The following NTAQ1 variants were observed in gnomAD, a reference collection of about 807,000 sequenced individuals.
NTAQ1 encodes N-terminal glutamine amidase 1.
A neutral mutation model predicts 28.2 loss-of-function variants in NTAQ1; 21 were observed. The observed-to-expected ratio is 0.74, with a 90% CI of 0.53 to 1.07. The LOEUF is 1.07. Among genes scored for constraint, NTAQ1 ranks in the 50% least tolerant of loss-of-function variants. The probability of loss-of-function intolerance (pLI) is 0.00; values close to 1 mark genes in which losing one functional copy is unlikely to be tolerated. For missense variants in NTAQ1, 264 were observed against 256.6 expected (o/e 1.03, Z -0.20); for synonymous variants, 105 against 90.0 (o/e 1.17, Z -0.94).
In NTAQ1 at chr8:123,441,503, G is replaced by T. The variant is rs762044098; in HGVS notation, c.*88G>T. On this transcript the variant is annotated 3_prime_UTR_variant, in exon 6 of 6. Transcript: ENST00000287387. ...CGAGGACAGCAAACATTATGGTACA[G>T]TTGGCTTGGAATTATGTCTTTCTCT... 9.8e-6 allele frequency: 10 copies of T among 1,024,978 alleles called. No homozygotes were observed. Among genetic ancestry groups the T allele is most frequent in the Non-Finnish European group, 1.3e-5 (9 of 674,810 alleles). 63.5% of individuals were successfully genotyped at this position (1,024,978 alleles called of 1,614,324 possible). A position where few individuals can be genotyped will look rare whatever the true frequency, so the allele number is the denominator to read the frequency against.
At chr8:123,464,035 C>T (rs951926562) in intron 6 of NTAQ1, among the ~76,000 whole-genome samples, 24 of 152,192 alleles carry the variant, frequency 1.6e-4, no homozygotes, top group African/African-American at 5.3e-4. Flanking sequence ...CATGTTAAGA[C>T]GTGACTTTGC....
chr8:123,427,988 TG>T lies in NTAQ1; in HGVS notation c.149del (p.Cys50PhefsTer12). The T allele has an allele frequency of 3.1e-6, 5 of 1,611,316 alleles. No homozygotes were observed. The highest frequency in any genetic ancestry group is 4.2e-6 in the Non-Finnish European group (5 of 1,179,228). ...CCATGACCAGTATCCTTTAGAAGAA[TG>T]TTATGCTGTCTTCATATCTAATGAG... The part of the protein sequence containing the change: ...KNHDQYPLEE[C>X]YAVFISNERK... On this transcript the variant is annotated frameshift_variant, in exon 2 of 6. Transcript: ENST00000287387. LOFTEE classifies it high-confidence loss of function.
At chr8:123,429,147 AT>A (rs1341821006) in intron 2 of NTAQ1, among the ~76,000 whole-genome samples, 1 of 152,154 alleles carries the variant, frequency 6.6e-6, no homozygotes, top group African/African-American at 2.4e-5. Context: ...AAGTTTCTTC[AT>A]TTTATAGATG....
intron 6 of NTAQ1, among the ~76,000 whole-genome samples, chr8:123,447,626 A>G (rs1266195990): frequency 6.6e-6 from 1 of 152,186 alleles, no homozygotes; most frequent in East Asian, 1.9e-4. Context: ...AATTAAGGAA[A>G]AAAAGCACCT....
intron 6 of NTAQ1, among the ~76,000 whole-genome samples, chr8:123,458,033 CAAAA>C (rs201846882): frequency 0.38 from 32,301 of 84,900 alleles, 4,570 homozygotes; most frequent in South Asian, 0.52. Flanking sequence ...GACTCTGTCT[CAAAA>C]AAAAAAAAAA....
chr8:123,440,010 G>A (rs958713544), intron 5 of NTAQ1, among the ~76,000 whole-genome samples: 1 of 151,526 alleles, frequency 6.6e-6, no homozygotes, highest in Non-Finnish European at 1.5e-5. Context: ...GCATTATTGG[G>A]TATGTTGGAT....
exon 7 of NTAQ1, among the ~76,000 whole-genome samples, chr8:123,468,274 A>G (rs1816003750): frequency 6.6e-6 from 1 of 152,220 alleles, no homozygotes; most frequent in African/African-American, 2.4e-5. Context: ...TAAAGTGTAC[A>G]GTAGTGTTAA....
intron 4 of NTAQ1, 138 bp from the exon 5 acceptor site, chr8:123,437,072 A>G: frequency 8.8e-7 from 1 of 1,139,676 alleles, no homozygotes; most frequent in East Asian, 2.5e-5. Flanking sequence ...TAGGTAGTAA[A>G]GTTGCCTGTA....
At chr8:123,471,019 C>T (rs150313962), downstream of NTAQ1, among the ~76,000 whole-genome samples, 1,567 of 151,794 alleles carry the variant, frequency 0.01, 13 homozygotes, top group Non-Finnish European at 0.016. Context: ...TTCCTGGGCT[C>T]AGGTGATCCT....
chr8:123,439,019 C>G lies in NTAQ1; in HGVS notation c.508+1685C>G, dbSNP rs1814885349. Among the ~76,000 whole-genome samples the G allele has an allele frequency of 2.6e-5, 4 of 152,108 alleles. No individual in the cohort carries two copies. The South Asian group carries it at 8.3e-4, about 31-fold the overall frequency. On this transcript the variant is annotated intron_variant, in intron 5 of 5. Transcript: ENST00000287387. The stretch of plus-strand genomic sequence containing the variant: ...GAGATGTGAGCACCTAAGACAGAAC[C>G]TAGTGCATCGCAGGCATTTAGTGAA...
the NTAQ1 span, among the ~76,000 whole-genome samples, chr8:123,475,431 G>A: frequency 5.3e-5 from 8 of 151,974 alleles, no homozygotes; most frequent in Admixed American, 2.0e-4. Context: ...TTGCTTCTGC[G>A]TCCTCTCAGT....
intron 3 of NTAQ1, chr8:123,435,335 C>A: frequency 6.3e-6 from 2 of 315,256 alleles, no homozygotes; most frequent in Non-Finnish European, 9.2e-6. Context: ...TTAGTGGCTA[C>A]AGATGAAAGC....
chr8:123,419,999 A>C (rs1813580649), intron 1 of NTAQ1, among the ~76,000 whole-genome samples: 1 of 151,848 alleles, frequency 6.6e-6, no homozygotes, highest in Non-Finnish European at 1.5e-5. Context: ...TTTGGTGTAC[A>C]AATTATTTTG....
intron 6 of NTAQ1, among the ~76,000 whole-genome samples, chr8:123,459,167 G>T (rs1452536633): frequency 6.6e-6 from 1 of 151,626 alleles, no homozygotes; most frequent in Admixed American, 6.6e-5. Flanking sequence ...ATCTGTTTGA[G>T]CCCAGGACGT....
At chr8:123,458,033 C>CAAA (rs201846882) in intron 6 of NTAQ1, among the ~76,000 whole-genome samples, 2 of 85,368 alleles carry the variant, frequency 2.3e-5, no homozygotes, top group Non-Finnish European at 2.1e-5. Flanking sequence ...GACTCTGTCT[C>CAAA]AAAAAAAAAA....
chr8:123,431,754 TGG>T (rs1343438870), intron 3 of NTAQ1, among the ~76,000 whole-genome samples: 2 of 152,204 alleles, frequency 1.3e-5, no homozygotes, highest in Non-Finnish European at 2.9e-5. Flanking sequence ...TGTCTCCCCC[TGG>T]TCAGTGGGGT....
At chr8:123,435,871 A>T (rs1814677498) in intron 3 of NTAQ1, among the ~76,000 whole-genome samples, 2 of 149,980 alleles carry the variant, frequency 1.3e-5, no homozygotes, top group African/African-American at 4.9e-5. Context: ...TGTCTCAATT[A>T]AAAAAAATAT....
chr8:123,439,559 G>A (rs368664856), intron 5 of NTAQ1, among the ~76,000 whole-genome samples: 1 of 151,940 alleles, frequency 6.6e-6, no homozygotes, highest in Non-Finnish European at 1.5e-5. Flanking sequence ...TGTTAGCCAG[G>A]ATGGTCTCGA....
chr8:123,449,313 AAAT>A, downstream of NTAQ1, among the ~76,000 whole-genome samples: 1 of 152,364 alleles, frequency 6.6e-6, no homozygotes, highest in Middle Eastern at 3.4e-3. Context: ...TTGAAAGAGA[AAAT>A]GATTTACACA....
Sources: allele counts gnomAD v4.1 joint callset (sites outside exome capture counted in the v4.1 genomes callset), GRCh38; gene constraint gnomAD v4.1.1; transcripts MANE v1.5; gene names NCBI Gene and HGNC (gene_info 2026-07-23, HGNC 2026-07-21).